Variants in NHSL1 observed in about 807,000 individuals in gnomAD.
The protein encoded by NHSL1 is NHS like 1.
NHSL1 carries 48 observed loss-of-function variants against 95.0 expected under a neutral mutation model. The ratio of observed to expected loss-of-function variants is 0.51; its 90% confidence interval spans 0.40 to 0.64. The LOEUF is 0.64. Ranked by LOEUF, NHSL1 falls within the 30% of genes least tolerant of loss-of-function variation. NHSL1 has a pLI of 0.00. For synonymous variants in NHSL1, 783 were observed against 833.9 expected, an observed-to-expected ratio of 0.94 and a Z score of 1.05; for missense variants, 1,971 against 2,077.7, an observed-to-expected ratio of 0.95 and a Z score of 1.00.
At chr6:138,646,507 A>AG (rs1785022740) in intron 1 of NHSL1, among the ~76,000 whole-genome samples, 1 of 152,148 alleles carries the variant, frequency 6.6e-6, no homozygotes, top group Non-Finnish European at 1.5e-5. Context: ...GAGGAAAAAA[A>AG]AAAAAATTCT....
At chr6:138,497,043 A>G (rs1780394218) in intron 1 of NHSL1, among the ~76,000 whole-genome samples, 1 of 152,186 alleles carries the variant, frequency 6.6e-6, no homozygotes, top group Non-Finnish European at 1.5e-5. Flanking sequence ...TTCCCAACAC[A>G]ATCCAGTTCA....
chr6:138,582,744 C>T (rs1784080352), intron 1 of NHSL1, among the ~76,000 whole-genome samples: 1 of 152,218 alleles, frequency 6.6e-6, no homozygotes, highest in Admixed American at 6.5e-5. Context: ...CCACCAGGCA[C>T]ACCACGCTCC....
intron 3 of NHSL1, among the ~76,000 whole-genome samples, chr6:138,463,373 C>G (rs1452260740): frequency 2.6e-5 from 4 of 152,102 alleles, no homozygotes; most frequent in Non-Finnish European, 5.9e-5. Context: ...GTGATCTGGT[C>G]CTTGGTTATT....
intron 3 of NHSL1, chr6:138,464,309 C>T: frequency 3.0e-6 from 2 of 665,578 alleles, no homozygotes; most frequent in Non-Finnish European, 5.4e-6. Context: ...GGACTGGGCC[C>T]TCAGCGCCAC....
At chr6:138,455,580 C>A (rs1209594136) in intron 3 of NHSL1, among the ~76,000 whole-genome samples, 2 of 141,802 alleles carry the variant, frequency 1.4e-5, no homozygotes, top group African/African-American at 5.4e-5. Context: ...CTTCCTGGTG[C>A]TTTCGAGCTA....
chr6:138,690,511 C>T (rs944394312), intron 1 of NHSL1, among the ~76,000 whole-genome samples: 1 of 152,028 alleles, frequency 6.6e-6, no homozygotes, highest in South Asian at 2.1e-4. Context: ...GAGGTCGAGG[C>T]AGGTGGATCG....
chr6:138,498,156 C>A (rs1201401214), intron 1 of NHSL1, among the ~76,000 whole-genome samples: 1 of 152,190 alleles, frequency 6.6e-6, no homozygotes, highest in Non-Finnish European at 1.5e-5. Context: ...GAGTTCATCA[C>A]AGTGTTTTGT....
chr6:138,570,350 A>G (rs1267265085), intron 1 of NHSL1, among the ~76,000 whole-genome samples: 1 of 152,200 alleles, frequency 6.6e-6, no homozygotes, highest in Non-Finnish European at 1.5e-5. Context: ...TTACAACCCA[A>G]TCATTTACCA....
upstream of NHSL1, among the ~76,000 whole-genome samples, chr6:138,499,833 TA>T (rs1383431659): frequency 3.3e-5 from 5 of 152,160 alleles, no homozygotes; most frequent in East Asian, 7.7e-4. Flanking sequence ...TGAACTGATT[TA>T]GGGGGGAAAA....
chr6:138,430,518 A>C lies in NHSL1; in HGVS notation c.3827T>G (p.Val1276Gly), dbSNP rs1775563652. The change falls in exon 6 of 8, where the codon GTG (valine) becomes GGG (glycine). Residue 1276 changes from valine to glycine, a missense_variant. Around this residue, in one of 3 missense-constraint regions of NHSL1, gnomAD observed 1,602 missense variants for 1,654.5 expected, o/e 0.97. Transcript: ENST00000343505. The surrounding 1 kb of genome is among the most constrained non-coding windows in gnomAD (Gnocchi z 4.7). ...GAAGSMSPSR[V>G]EANVPMVQPD... ...CTGAACCATGGGGACATTGGCTTCC[A>C]CTCTGCTGGGAGACATGGATCCTGC... 1 of 1,551,110 alleles carries C rather than the reference A, an allele frequency of 6.4e-7. No homozygotes were observed.
Position 138,523,627 on chromosome 6 carries a change from G to GAAAAAAAAAA in NHSL1, c.16+21986_16+21995dup, listed in dbSNP as rs67335375. On this transcript the variant is annotated intron_variant, in intron 1 of 4. Transcript: ENST00000342260. ...CCCAGCCTAGAGATGTTTTAAAGAG[G>GAAAAAAAAAA]AAAAAAAAAAAAAAAAAAAAAAAAA... Among the ~76,000 whole-genome samples, 38 of 64,920 alleles carry GAAAAAAAAAA rather than the reference G, an allele frequency of 5.9e-4. 1 individual carries two copies. The highest frequency in any genetic ancestry group is 9.3e-4 in the Non-Finnish European group (29 of 31,126). The allele number at this position is 64,920 out of a possible 152,430, so 42.6% of individuals were successfully genotyped here.
chr6:138,656,978 A>T (rs1376490376), intron 1 of NHSL1, among the ~76,000 whole-genome samples: 1 of 152,158 alleles, frequency 6.6e-6, no homozygotes, highest in Non-Finnish European at 1.5e-5. Flanking sequence ...TGGATTTATT[A>T]TCTAGATCAG....
chr6:138,615,565 G>C (rs1221801356), intron 1 of NHSL1, among the ~76,000 whole-genome samples: 1 of 152,250 alleles, frequency 6.6e-6, no homozygotes, highest in East Asian at 1.9e-4. Flanking sequence ...CCGCCTCCCA[G>C]GTTCAAGCGA....
intron 1 of NHSL1, among the ~76,000 whole-genome samples, chr6:138,579,238 T>G (rs1784017448): frequency 6.6e-6 from 1 of 152,210 alleles, no homozygotes; most frequent in African/African-American, 2.4e-5. Flanking sequence ...CCCTGCCTTA[T>G]AATGCCTTAT....
Position 138,430,539 on chromosome 6 carries a change from C to G in NHSL1, c.3806G>C (p.Gly1269Ala). 1.3e-6 allele frequency: 2 copies of G among 1,551,270 alleles called. No individual in the cohort carries two copies. Among genetic ancestry groups the G allele is most frequent in the Non-Finnish European group, 1.7e-6 (2 of 1,146,694 alleles). Reference sequence around the variant, plus strand: ...TTCCACTCTGCTGGGAGACATGGATCCTGCAGCTCCTCCCTCAAGAACCGA... The same window carrying G: ...TTCCACTCTGCTGGGAGACATGGATGCTGCAGCTCCTCCCTCAAGAACCGA... ...GTSVLEGGAA[G>A]SMSPSRVEAN... Residue 1269 changes from glycine (G) to alanine (A), a missense_variant, in exon 6 of 8, where the codon GGA (glycine) becomes GCA (alanine). Physicochemically the swap from Gly to Ala is moderately conservative, Grantham distance 60. Transcript: ENST00000343505. The surrounding 1 kb of genome is among the most constrained non-coding windows in gnomAD (Gnocchi z 4.7).
intron 1 of NHSL1, among the ~76,000 whole-genome samples, chr6:138,544,983 CT>C (rs35979187): frequency 0.13 from 10,549 of 82,836 alleles, 156 homozygotes; most frequent in African/African-American, 0.17. Flanking sequence ...TCTTTCTTTT[CT>C]TTTTTTTTTT....
At chr6:138,638,586 T>C (rs896037300) in intron 1 of NHSL1, among the ~76,000 whole-genome samples, 4 of 152,216 alleles carry the variant, frequency 2.6e-5, no homozygotes, top group African/African-American at 7.2e-5. Flanking sequence ...TAAGTCCTAA[T>C]TGAATCTACA....
intron 1 of NHSL1, among the ~76,000 whole-genome samples, chr6:138,561,915 CAAA>C (rs1469806761): frequency 6.6e-6 from 1 of 152,182 alleles, no homozygotes; most frequent in Non-Finnish European, 1.5e-5. Flanking sequence ...CGAATTTTAG[CAAA>C]AACTAAGTAA....
rs1402066785 is a variant in NHSL1, at chr6:138,692,391, C to A, written c.96+85G>T. 1.1e-5 allele frequency: 3 copies of A among 283,108 alleles called. No individual in the cohort carries two copies. Among genetic ancestry groups the A allele is most frequent in the Non-Finnish European group, 2.1e-5 (3 of 145,018 alleles). 17.5% of individuals were successfully genotyped at this position (283,108 alleles called of 1,614,324 possible). On this transcript the variant is annotated intron_variant, in intron 1 of 3. Coordinates refer to the NHSL1 transcript ENST00000491526. The surrounding 1 kb of genome is among the most constrained non-coding windows in gnomAD (Gnocchi z 4.0). ...CGGGGCTCCGCGGCCCCCGCGCCGA[C>A]CCAGGGCCGCCAGGGGGCGGGCGGG...
Sources: gnomAD v4.1 joint callset for allele counts (sites outside exome capture counted in the v4.1 genomes callset) on GRCh38, gnomAD v4.1.1 for gene constraint, gnomAD v4.1.1 regional missense constraint, Gnocchi (gnomAD v3.1) non-coding constraint, MANE v1.5 for transcripts, NCBI Gene and HGNC (gene_info 2026-07-23, HGNC 2026-07-21) for gene names.